The following NAP1L1 variants were observed in gnomAD, a reference collection of about 807,000 sequenced individuals.
NAP1L1 encodes nucleosome assembly protein 1-like 1.
A neutral mutation model predicts 58.9 loss-of-function variants in NAP1L1; 9 were observed. The ratio of observed to expected loss-of-function variants is 0.15; its 90% CI spans 0.09 to 0.27. The LOEUF is 0.27. Ranked by LOEUF, NAP1L1 falls within the 10% of genes least tolerant of loss-of-function variation. NAP1L1 has a pLI of 1.00. For missense variants in NAP1L1, 302 were observed against 458.8 expected (o/e 0.66, Z 3.12); for synonymous variants, 130 against 138.3 (o/e 0.94, Z 0.42).
At position 76,037,710 on chromosome 12, in the gene NAP1L1, C is replaced by T. The variant is rs1871082186; in HGVS notation, c.*10719G>A. 1 of 152,194 alleles carries T rather than the reference C, an allele frequency of 6.6e-6. No homozygotes were observed. The highest frequency in any genetic ancestry group is 1.5e-5 in the Non-Finnish European group (1 of 68,042). 9.4% of individuals were successfully genotyped at this position (152,194 alleles called of 1,614,324 possible). A position where few individuals can be genotyped will look rare whatever the true frequency, so the allele number is the denominator to read the frequency against. Reference sequence around the variant, plus strand: ...TTACCTTCCCAAATCCTCTGTAAACCTTTCATTCTTCAAAGCCCTATTCAA... The same window carrying T: ...TTACCTTCCCAAATCCTCTGTAAACTTTTCATTCTTCAAAGCCCTATTCAA... On this transcript the variant is annotated 3_prime_UTR_variant, in exon 15 of 15. Coordinates refer to ENST00000618691, the MANE Select transcript of NAP1L1 (RefSeq NM_004537.7).
At chr12:76,058,081 C>T (rs1208368290) in intron 6 of NAP1L1, 9 of 762,096 alleles carry the variant, frequency 1.2e-5, no homozygotes, top group Non-Finnish European at 4.9e-6. Context: ...GAAAAACAGA[C>T]AGAAGTAGAT....
intron 14 of NAP1L1, 142 bp downstream of exon 14, chr12:76,049,058 G>C: frequency 1.3e-6 from 1 of 749,574 alleles, no homozygotes; most frequent in South Asian, 1.7e-5. Context: ...CACAATGCCA[G>C]TGGGACTGAA....
At chr12:76,052,982 A>G in intron 11 of NAP1L1, 109 bp downstream of exon 11, 1 of 975,632 alleles carries the variant, frequency 1.0e-6, no homozygotes, top group East Asian at 2.6e-5. Flanking sequence ...CATGCATTGT[A>G]GGCCTCAGAA....
chr12:76,054,955 A>C (rs1205160153), intron 8 of NAP1L1, 64 bp downstream of exon 8: 5 of 1,211,010 alleles, frequency 4.1e-6, no homozygotes, highest in Non-Finnish European at 5.9e-6. Flanking sequence ...TATCTTTTTA[A>C]AAGCTTCTAT....
chr12:76,063,369 G>A (rs772649802), intron 4 of NAP1L1, among the ~76,000 whole-genome samples: 3 of 152,130 alleles, frequency 2.0e-5, no homozygotes, highest in Non-Finnish European at 2.9e-5. Context: ...ACCAGAAGGC[G>A]ACTTGATCTA....
rs1949070779 is a variant in NAP1L1 at position 76,056,077 on chromosome 12, A to G, written c.514T>C (p.Leu172=). The change falls in exon 7 of 15, where the codon TTA becomes CTA. Residue 172 remains leucine, a synonymous_variant. Transcript: ENST00000618691. ...AAGTCAACATTCTTAAAAACAGTTA[A>G]CCAAAATTCAGGAATTCCTTTGGGG... The part of the protein sequence containing the change: ...EDPKGIPEFW[L]TVFKNVDLLS... The G allele has an allele frequency of 6.2e-7, 1 of 1,612,516 alleles. No individual in the cohort carries two copies. Among genetic ancestry groups the G allele is most frequent in the South Asian group, 1.1e-5 (1 of 90,974 alleles).
At position 76,067,417 on chromosome 12, in the gene NAP1L1, C is replaced by T; in HGVS notation, c.160G>A (p.Glu54Lys). Residue 54 changes from glutamate (E) to lysine (K), a missense_variant, in exon 4 of 15, where the codon GAA (glutamate) becomes AAA (lysine). Coordinates refer to ENST00000618691, the MANE Select transcript of NAP1L1 (RefSeq NM_004537.7). Reference protein sequence around the residue: ...QNPQILAALQERLDGLVETPT... With the variant: ...QNPQILAALQKRLDGLVETPT... The stretch of plus-strand genomic sequence containing the variant: ...GTTTCTACCAGACCATCAAGTCTTT[C>T]TTGAAGGGCTGCAAGAATCTGAGGA... 1 of 1,609,486 alleles carries T rather than the reference C, an allele frequency of 6.2e-7. No homozygotes were observed. Among genetic ancestry groups the T allele is most frequent in the South Asian group, 1.1e-5 (1 of 90,740 alleles).
intron 2 of NAP1L1, among the ~76,000 whole-genome samples, chr12:76,071,070 T>TTA (rs552965670): frequency 1.3e-3 from 205 of 152,322 alleles, no homozygotes; most frequent in African/African-American, 4.8e-3. Context: ...TATTGTGCTG[T>TTA]TATATTTTAT....
At chr12:76,057,488 G>GTGGCGGGAGCAGAGC (rs1949167222) in intron 6 of NAP1L1, 1 of 660,686 alleles carries the variant, frequency 1.5e-6, no homozygotes. Flanking sequence ...GCTGGCAACA[G>GTGGCGGGAGCAGAGC]TGGCGGGAGC....
At chr12:76,060,013 C>T in intron 5 of NAP1L1, 125 bp downstream of exon 5, 1 of 1,201,674 alleles carries the variant, frequency 8.3e-7, no homozygotes, top group Non-Finnish European at 1.2e-6. Context: ...GATAGTTCCT[C>T]CAAGTGCTGC....
intron 4 of NAP1L1, among the ~76,000 whole-genome samples, chr12:76,064,128 G>C (rs1949548212): frequency 6.6e-6 from 1 of 152,158 alleles, no homozygotes; most frequent in Non-Finnish European, 1.5e-5. Context: ...GTGGATCACA[G>C]AGTAAGGCCT....
At chr12:76,055,151 CTA>C in intron 7 of NAP1L1, 61 bp from the exon 8 acceptor site, 1 of 1,144,192 alleles carries the variant, frequency 8.7e-7, no homozygotes, top group Non-Finnish European at 1.3e-6. Context: ...TGTTCTGTTA[CTA>C]CACAAACACC....
intron 1 of NAP1L1, among the ~76,000 whole-genome samples, chr12:76,083,184 T>C (rs1033780256): frequency 6.6e-6 from 1 of 152,124 alleles, no homozygotes; most frequent in Admixed American, 6.5e-5. Context: ...GTAGGGTTCA[T>C]TGACAAGGTT....
At chr12:76,070,646 G>A (rs1293140385) in intron 2 of NAP1L1, among the ~76,000 whole-genome samples, 2 of 152,130 alleles carry the variant, frequency 1.3e-5, no homozygotes, top group African/African-American at 2.4e-5. Flanking sequence ...CTACATTTAT[G>A]TATTGTCTGC....
At chr12:76,061,191 G>A (rs1296313997) in intron 4 of NAP1L1, 2 of 215,100 alleles carry the variant, frequency 9.3e-6, no homozygotes, top group Non-Finnish European at 2.0e-5. Flanking sequence ...GTTTAGGGGT[G>A]TATGTGAAGG....
intron 1 of NAP1L1, chr12:76,083,893 G>A (rs979852656): frequency 6.6e-6 from 1 of 152,222 alleles, no homozygotes; most frequent in South Asian, 2.1e-4. Context: ...CCGAGGGCAA[G>A]GGTCTCCAAC....
intron 1 of NAP1L1, among the ~76,000 whole-genome samples, chr12:76,082,643 GAACTA>G (rs1456681841): frequency 3.3e-5 from 5 of 152,142 alleles, no homozygotes; most frequent in Admixed American, 3.3e-4. Context: ...AGTATTCTTA[GAACTA>G]AACTATAGAT....
In NAP1L1 at chr12:76,042,462, T is replaced by G. The variant is rs1364974861; in HGVS notation, c.*5967A>C. ...CTCACACATATCCATTAAAATTTGG[T>G]AGCAGAGACATTTGTTTAGGGGCTG... On this transcript the variant is annotated 3_prime_UTR_variant, in exon 15 of 15. Transcript: ENST00000618691. 2 of 152,226 alleles carry G rather than the reference T, an allele frequency of 1.3e-5. No homozygotes were observed. The highest frequency in any genetic ancestry group is 4.8e-5 in the African/African-American group (2 of 41,464). 9.4% of individuals were successfully genotyped at this position (152,226 alleles called of 1,614,324 possible).
At chr12:76,061,032 G>C (rs12313250) in intron 4 of NAP1L1, 4,799 of 444,964 alleles carry the variant, frequency 0.011, 188 homozygotes, top group African/African-American at 0.089. Flanking sequence ...TGTCGAGGCT[G>C]AATTGAGCAA....
Sources: gnomAD v4.1 joint callset for allele counts (sites outside exome capture counted in the v4.1 genomes callset) on GRCh38, gnomAD v4.1.1 for gene constraint, MANE v1.5 for transcripts, NCBI Gene and HGNC (gene_info 2026-07-23, HGNC 2026-07-21) for gene names.